The following MYBPC2 variants were observed in gnomAD, a reference collection of about 807,000 sequenced individuals.
MYBPC2 encodes the protein myosin-binding protein C, fast-type.
A neutral mutation model predicts 137.0 loss-of-function variants in MYBPC2; 122 were observed. That is an observed-to-expected ratio of 0.89 (90% CI 0.77 to 1.03). MYBPC2 has a LOEUF of 1.03. Among genes scored for constraint, MYBPC2 ranks in the 50% least tolerant of loss-of-function variants. The pLI, the probability that MYBPC2 is intolerant of heterozygous loss-of-function variation, is 0.00. For synonymous variants in MYBPC2, 626 were observed against 612.3 expected, an observed-to-expected ratio of 1.02 and a Z score of -0.33; for missense variants, 1,500 against 1,534.4, an observed-to-expected ratio of 0.98 and a Z score of 0.37.
Position 50,466,222 on chromosome 19 carries a change from G to C in MYBPC2, c.*17G>C. On this transcript the variant is annotated 3_prime_UTR_variant, in exon 28 of 28. Coordinates refer to ENST00000357701, the MANE Select transcript of MYBPC2 (RefSeq NM_004533.4). This position sits in a 1 kb window ranked among gnomAD's most constrained non-coding sequence, Gnocchi z 4.9. ...CCGCAGTGAGACCTGTCCCCTACCT[G>C]CCAAGACAATTGGTGGTGGAGTCCT... 1 of 1,613,846 alleles carries C rather than the reference G, an allele frequency of 6.2e-7. No homozygotes were observed. The highest frequency in any genetic ancestry group is 8.5e-7 in the Non-Finnish European group (1 of 1,179,852).
intron 11 of MYBPC2, among the ~76,000 whole-genome samples, chr19:50,445,604 G>T (rs2039796883): frequency 6.6e-6 from 1 of 151,910 alleles, no homozygotes; most frequent in Admixed American, 6.6e-5. Context: ...TGTTGGCCAG[G>T]TTGGTCTCGA....
Position 50,436,720 on chromosome 19 carries a change from A to G in MYBPC2, c.449A>G (p.Asn150Ser), listed in dbSNP as rs369226947. The change falls in exon 5 of 28, where the codon AAC becomes AGC. Residue 150 changes from asparagine to serine, a missense_variant. Physicochemically the swap from Asn to Ser is conservative, Grantham distance 46. Coordinates refer to ENST00000357701, the MANE Select transcript of MYBPC2 (RefSeq NM_004533.4). Reference protein sequence around the residue: ...AKDTCDSCGFNIDVEAPRQDA... With the variant: ...AKDTCDSCGFSIDVEAPRQDA... Reference sequence around the variant, plus strand: ...GACACCTGTGACAGCTGTGGCTTCAACATCGATGTGGAGGGTATGCTGGTG... The same window carrying G: ...GACACCTGTGACAGCTGTGGCTTCAGCATCGATGTGGAGGGTATGCTGGTG... 1.2e-6 allele frequency: 2 copies of G among 1,613,746 alleles called. No homozygotes were observed. The highest frequency in any genetic ancestry group is 1.7e-6 in the Non-Finnish European group (2 of 1,179,748).
intron 9 of MYBPC2, among the ~76,000 whole-genome samples, chr19:50,442,639 C>G (rs1431883661): frequency 2.0e-5 from 3 of 151,640 alleles, no homozygotes; most frequent in Admixed American, 6.6e-5. Flanking sequence ...GCAGGAGGAT[C>G]GCTTGAACCC....
intron 23 of MYBPC2, 124 bp from the exon 24 acceptor site, chr19:50,459,916 A>G: frequency 7.3e-7 from 1 of 1,377,114 alleles, no homozygotes; most frequent in South Asian, 1.3e-5. Context: ...GGCCATAGGC[A>G]GGAATGGGAA....
intron 7 of MYBPC2, among the ~76,000 whole-genome samples, chr19:50,440,318 G>GA (rs1555796261): frequency 2.1e-5 from 2 of 95,924 alleles, no homozygotes; most frequent in Non-Finnish European, 4.4e-5. Flanking sequence ...ATAACCTGTG[G>GA]AAATAAAATA....
At position 50,454,142 on chromosome 19, in the gene MYBPC2, C is replaced by G; in HGVS notation, c.1872C>G (p.Val624=). ...ACACCATCAAGGTCACCAACCCCGTCGGCGAGGACGTGGCTTCCATCTTCC... is the reference window on the plus strand; with the variant it reads ...ACACCATCAAGGTCACCAACCCCGTGGGCGAGGACGTGGCTTCCATCTTCC... ...GRYTIKVTNP[V]GEDVASIFLQ... Residue 624 remains valine (V), a synonymous_variant, in exon 17 of 28, where the codon GTC becomes GTG. Transcript: ENST00000357701. The G allele has an allele frequency of 6.2e-7, 1 of 1,613,666 alleles. No individual in the cohort carries two copies. Among genetic ancestry groups the G allele is most frequent in the Non-Finnish European group, 8.5e-7 (1 of 1,179,792 alleles).
chr19:50,443,910 G>A (rs1233036450), intron 11 of MYBPC2, 94 bp downstream of exon 11: 2 of 1,189,124 alleles, frequency 1.7e-6, no homozygotes, highest in East Asian at 4.8e-5. Context: ...ACTTCTCTTG[G>A]AGATTTCTGA....
chr19:50,436,701 T>TG lies in MYBPC2; in HGVS notation c.431dup (p.Cys144TrpfsTer2). 6.2e-7 allele frequency: 1 copy of TG among 1,613,864 alleles called. No homozygotes were observed. Among genetic ancestry groups the TG allele is most frequent in the Non-Finnish European group, 8.5e-7 (1 of 1,179,812 alleles). The stretch of plus-strand genomic sequence containing the variant: ...CCTCGAGGTCAAAGCCAAGGACACC[T>TG]GTGACAGCTGTGGCTTCAACATCGA... On this transcript the variant is annotated frameshift_variant, in exon 5 of 28. Transcript: ENST00000357701. LOFTEE classifies it high-confidence loss of function.
Position 50,442,233 on chromosome 19 carries a change from C to G in MYBPC2, c.822C>G (p.Ile274Met). The change falls in exon 9 of 28, where the codon ATC becomes ATG. Residue 274 changes from isoleucine (I) to methionine (M), a missense_variant. By Grantham distance (10) the Ile-to-Met change is conservative. Coordinates refer to ENST00000357701, the MANE Select transcript of MYBPC2 (RefSeq NM_004533.4). ...ACCAAGTGGACAGAGGCAACAAGAT[C>G]AAGTTGATGGTAGAGATCAGCGACC... ...PAYQVDRGNK[I>M]KLMVEISDPD... 3 of 1,603,844 alleles carry G rather than the reference C, an allele frequency of 1.9e-6. No individual in the cohort carries two copies. Among genetic ancestry groups the G allele is most frequent in the Non-Finnish European group, 2.6e-6 (3 of 1,175,334 alleles).
At chr19:50,447,781 CG>C (rs1326572193) in intron 12 of MYBPC2, among the ~76,000 whole-genome samples, 2 of 152,004 alleles carry the variant, frequency 1.3e-5, no homozygotes, top group African/African-American at 2.4e-5. Context: ...CACTTGTACC[CG>C]GGGGGTGGAG....
intron 26 of MYBPC2, among the ~76,000 whole-genome samples, chr19:50,463,274 T>A (rs2445841): frequency 0.74 from 112,859 of 152,190 alleles, 42,529 homozygotes; most frequent in African/African-American, 0.89. Flanking sequence ...AAAGCCTGAA[T>A]TATTTACCAT....
chr19:50,448,350 G>T lies in MYBPC2; in HGVS notation c.1432G>T (p.Val478Leu). The T allele has an allele frequency of 1.9e-6, 3 of 1,613,856 alleles. No homozygotes were observed. Among genetic ancestry groups the T allele is most frequent in the Non-Finnish European group, 2.5e-6 (3 of 1,179,786 alleles). Residue 478 changes from valine (V) to leucine (L), a missense_variant, in exon 13 of 28, where the codon GTG (valine) becomes TTG (leucine). Transcript: ENST00000357701. Reference sequence around the variant, plus strand: ...CAAGTGGTATAAGAATGGGGTCGAGGTGCGGCCCAGCAAGAGGATCACCAT... The same window carrying T: ...CAAGTGGTATAAGAATGGGGTCGAGTTGCGGCCCAGCAAGAGGATCACCAT... ...TGKWYKNGVE[V>L]RPSKRITISH...
Position 50,460,058 on chromosome 19 carries a change from T to A in MYBPC2, c.2810T>A (p.Ile937Lys), listed in dbSNP as rs2039957646. The change falls in exon 24 of 28, where the codon ATA becomes AAA. Residue 937 changes from isoleucine to lysine, a missense_variant. Physicochemically the swap from Ile to Lys is moderately radical, Grantham distance 102. Coordinates refer to ENST00000357701, the MANE Select transcript of MYBPC2 (RefSeq NM_004533.4). Reference sequence around the variant, plus strand: ...TTTCCAGAAAAGGCTGGGCCCCCCATAAACGTGATGGTGAAGGAGGTGTGG... The same window carrying A: ...TTTCCAGAAAAGGCTGGGCCCCCCAAAAACGTGATGGTGAAGGAGGTGTGG... ...IRVVEKAGPP[I>K]NVMVKEVWGT... 6.4e-7 allele frequency: 1 copy of A among 1,555,092 alleles called. No homozygotes were observed. Among genetic ancestry groups the A allele is most frequent in the Non-Finnish European group, 8.7e-7 (1 of 1,149,372 alleles).
rs2040006808 is a variant in MYBPC2 at position 50,465,399 on chromosome 19, G to A, written c.3416-796G>A. 6.6e-6 allele frequency among the ~76,000 whole-genome samples: 1 copy of A among 152,202 alleles called. No homozygotes were observed. The highest frequency in any genetic ancestry group is 2.1e-4 in the South Asian group (1 of 4,834). The stretch of plus-strand genomic sequence containing the variant: ...TCTGCCAGTCAAGGCTCAGCGAGGA[G>A]GCCACTAACCGTGTCCCTCAGAGCA... On this transcript the variant is annotated intron_variant, in intron 27 of 27. Coordinates refer to ENST00000357701, the MANE Select transcript of MYBPC2 (RefSeq NM_004533.4). This position sits in a 1 kb window ranked among gnomAD's most constrained non-coding sequence, Gnocchi z 4.5.
rs765211729 is a variant in MYBPC2, at chr19:50,460,175, C to T, written c.2927C>T (p.Thr976Ile). The T allele has an allele frequency of 7.5e-6, 12 of 1,603,132 alleles. No homozygotes were observed. The highest frequency in any genetic ancestry group is 8.5e-6 in the Non-Finnish European group (10 of 1,174,892). Residue 976 changes from threonine (T) to isoleucine (I), a missense_variant, in exon 24 of 28, where the codon ACC (threonine) becomes ATC (isoleucine). Coordinates refer to ENST00000357701, the MANE Select transcript of MYBPC2 (RefSeq NM_004533.4). ...TTCGTCCAGAAAGCAGACAAAAAAACCATGGTGAGAGAGCAGAGGGGGAGA... is the reference window on the plus strand; with the variant it reads ...TTCGTCCAGAAAGCAGACAAAAAAATCATGGTGAGAGAGCAGAGGGGGAGA... ...GYFVQKADKK[T>I]MEWFNVYERN... is the part of the protein sequence containing the mutation.
Position 50,435,805 on chromosome 19 carries a change from G to A in MYBPC2, c.139G>A (p.Ala47Thr). The part of the protein sequence containing the change: ...EAPPEDQSPT[A>T]EEPTGVFLKK... The stretch of plus-strand genomic sequence containing the variant: ...CCCACCCGAGGACCAGTCCCCGACT[G>A]CAGAGGAGCCCACCGGCGTTTTCCT... The change falls in exon 3 of 28, where the codon GCA (alanine) becomes ACA (threonine). Residue 47 changes from alanine to threonine, a missense_variant. Ala to Thr is a moderately conservative substitution (Grantham distance 58). Coordinates refer to ENST00000357701, the MANE Select transcript of MYBPC2 (RefSeq NM_004533.4). This position sits in a 1 kb window ranked among gnomAD's most constrained non-coding sequence, Gnocchi z 4.8. The A allele has an allele frequency of 6.2e-7, 1 of 1,611,980 alleles. No homozygotes were observed. Among genetic ancestry groups the A allele is most frequent in the Non-Finnish European group, 8.5e-7 (1 of 1,178,974 alleles).
At chr19:50,455,955 T>C (rs1302400897) in intron 20 of MYBPC2, among the ~76,000 whole-genome samples, 1 of 152,194 alleles carries the variant, frequency 6.6e-6, no homozygotes, top group Non-Finnish European at 1.5e-5. Context: ...CATTTATCCA[T>C]CTAACCAATC....
intron 11 of MYBPC2, among the ~76,000 whole-genome samples, chr19:50,444,696 C>G (rs59254547): frequency 6.6e-6 from 1 of 151,504 alleles, no homozygotes; most frequent in African/African-American, 2.4e-5. Context: ...TTGGCTAACA[C>G]GGTGAAACCC....
At chr19:50,461,458 ACC>A in intron 24 of MYBPC2, 82 bp from the exon 25 acceptor site, 3 of 1,393,224 alleles carry the variant, frequency 2.2e-6, no homozygotes, top group Non-Finnish European at 3.0e-6. Context: ...TGCTTTTCTC[ACC>A]CCTTCTTTCG....
Sources: gnomAD v4.1 joint callset for allele counts (sites outside exome capture counted in the v4.1 genomes callset) on GRCh38, gnomAD v4.1.1 for gene constraint, Gnocchi (gnomAD v3.1) non-coding constraint, MANE v1.5 for transcripts, NCBI Gene and HGNC (gene_info 2026-07-23, HGNC 2026-07-21) for gene names.